The following CD74 variants were observed in gnomAD, a reference collection of about 807,000 sequenced individuals.
CD74 encodes CD74 molecule.
A neutral mutation model predicts 37.1 loss-of-function variants in CD74; 20 were observed. The ratio of observed to expected loss-of-function variants is 0.54; its 90% CI spans 0.38 to 0.78. The LOEUF is 0.78. Ranked by LOEUF, CD74 falls within the 30% of genes least tolerant of loss-of-function variation. The pLI is 0.00. For synonymous variants in CD74, 150 were observed against 152.0 expected, an observed-to-expected ratio of 0.99 and a Z score of 0.10; for missense variants, 338 against 389.5, an observed-to-expected ratio of 0.87 and a Z score of 1.11.
intron 1 of CD74, among the ~76,000 whole-genome samples, chr5:150,408,523 T>C (rs1385208452): frequency 6.6e-6 from 1 of 152,158 alleles, no homozygotes; most frequent in East Asian, 1.9e-4. Context: ...GTAATATCCA[T>C]CCTGCAGGGG....
chr5:150,408,338 A>T (rs1770117896), intron 1 of CD74, among the ~76,000 whole-genome samples: 1 of 151,856 alleles, frequency 6.6e-6, no homozygotes, highest in South Asian at 2.1e-4. Context: ...GGCACCACCC[A>T]CTCTGGGGCC....
rs1769783303 is a variant in CD74 at position 150,403,763 on chromosome 5, G to A, written c.626-451C>T. On this transcript the variant is annotated intron_variant, in intron 6 of 8. Coordinates refer to ENST00000009530, the MANE Select transcript of CD74 (RefSeq NM_001025159.3). The surrounding 1 kb of genome is among the most constrained non-coding windows in gnomAD (Gnocchi z 4.5). ...AATCCCAGCTACTCGGGAGGCCGAGGCAGGAGAATTGCTTGAACCCGGGAG... is the reference window on the plus strand; with the variant it reads ...AATCCCAGCTACTCGGGAGGCCGAGACAGGAGAATTGCTTGAACCCGGGAG... 6.6e-6 allele frequency among the ~76,000 whole-genome samples: 1 copy of A among 152,234 alleles called. No homozygotes were observed. The highest frequency in any genetic ancestry group is 1.5e-5 in the Non-Finnish European group (1 of 68,046).
chr5:150,404,639 G>T, intron 6 of CD74, 41 bp downstream of exon 6: 2 of 1,333,734 alleles, frequency 1.5e-6, no homozygotes, highest in African/African-American at 1.5e-5. Context: ...AGCCCCGAGG[G>T]TCCAGAAGCC....
chr5:150,401,968 G>T lies in CD74; in HGVS notation c.*272C>A. 3 of 1,251,158 alleles carry T rather than the reference G, an allele frequency of 2.4e-6. No homozygotes were observed. Among genetic ancestry groups the T allele is most frequent in the Non-Finnish European group, 3.4e-6 (3 of 886,774 alleles). The allele number at this position is 1,251,158 out of a possible 1,614,324, so 77.5% of individuals were successfully genotyped here. On this transcript the variant is annotated 3_prime_UTR_variant, in exon 9 of 9. Transcript: ENST00000009530. ...GCCTTGTGTTGGAGGCTGCTGTGAT[G>T]TCAGGAACGGGGATCTGTCTAGCTT...
rs1190104700 is a variant in CD74 at position 150,405,093 on chromosome 5, C to A, written c.529G>T (p.Asp177Tyr). 6.2e-7 allele frequency: 1 copy of A among 1,612,796 alleles called. No homozygotes were observed. Reference protein sequence around the residue: ...RHLKNTMETIDWKVFESWMHH... With the variant: ...RHLKNTMETIYWKVFESWMHH... ...CAGGGAAACCTGCTGACCTTCCAGT[C>A]TATGGTCTCCATGGTGTTCTTAAGG... Residue 177 changes from aspartate (D) to tyrosine (Y), a missense_variant, in exon 5 of 9, where the codon GAC becomes TAC. Coordinates refer to ENST00000009530, the MANE Select transcript of CD74 (RefSeq NM_001025159.3).
Position 150,412,741 on chromosome 5 carries a change from C to G in CD74, c.9G>C (p.Arg3Ser), listed in dbSNP as rs750068714. 6.2e-7 allele frequency: 1 copy of G among 1,614,068 alleles called. No homozygotes were observed. The highest frequency in any genetic ancestry group is 8.5e-7 in the Non-Finnish European group (1 of 1,179,954). ...CTTCCCGACAGCTCCTGCTTCTCCT[C>G]CTGTGCATCTGGGACCCTGACCCCC... MH[R>S]RRSRSCREDQ... Residue 3 changes from arginine (R) to serine (S), a missense_variant, in exon 1 of 9, where the codon AGG (arginine) becomes AGC (serine). Arg to Ser is a moderately radical substitution (Grantham distance 110). Coordinates refer to ENST00000009530, the MANE Select transcript of CD74 (RefSeq NM_001025159.3).
At chr5:150,411,202 A>G (rs1304658087) in intron 1 of CD74, among the ~76,000 whole-genome samples, 1 of 142,850 alleles carries the variant, frequency 7.0e-6, no homozygotes, top group Non-Finnish European at 1.6e-5. Context: ...CACAGTACTA[A>G]CTAACAGTGG....
At chr5:150,405,911 A>C (rs1213160037) in intron 4 of CD74, 4 of 224,400 alleles carry the variant, frequency 1.8e-5, no homozygotes, top group Non-Finnish European at 3.8e-5. Context: ...AGTAGCTGGG[A>C]TTACAGGTGA....
In CD74 at chr5:150,402,431, C is replaced by A. The variant is rs776153510; in HGVS notation, c.880+132G>T. The A allele has an allele frequency of 1.1e-6, 1 of 942,122 alleles. No homozygotes were observed. Among genetic ancestry groups the A allele is most frequent in the South Asian group, 1.3e-5 (1 of 74,226 alleles). 58.4% of individuals were successfully genotyped at this position (942,122 alleles called of 1,614,324 possible). A position where few individuals can be genotyped will look rare whatever the true frequency, so the allele number is the denominator to read the frequency against. On this transcript the variant is annotated intron_variant, in intron 8 of 8. Transcript: ENST00000009530. The surrounding 1 kb of genome is among the most constrained non-coding windows in gnomAD (Gnocchi z 4.2). Reference sequence around the variant, plus strand: ...CCACAGCCCCCCAACCCTGTTCCTTCGTCTGTGAAATGGACATCCCAGGAA... The same window carrying A: ...CCACAGCCCCCCAACCCTGTTCCTTAGTCTGTGAAATGGACATCCCAGGAA...
At chr5:150,412,357 A>C (rs1352198499) in intron 1 of CD74, among the ~76,000 whole-genome samples, 1 of 152,356 alleles carries the variant, frequency 6.6e-6, no homozygotes, top group East Asian at 1.9e-4. Context: ...GAGAGAACCC[A>C]TGCTCTCTTC....
Position 150,403,079 on chromosome 5 carries a change from T to C in CD74, c.817+42A>G, listed in dbSNP as rs1284781263. Reference sequence around the variant, plus strand: ...ACCTCTTGCCCCTCAACCTTCCTAGTCCTTCCTGGTCCTCTGACACTGGCA... The same window carrying C: ...ACCTCTTGCCCCTCAACCTTCCTAGCCCTTCCTGGTCCTCTGACACTGGCA... On this transcript the variant is annotated intron_variant, in intron 7 of 8. Transcript: ENST00000009530. This position sits in a 1 kb window ranked among gnomAD's most constrained non-coding sequence, Gnocchi z 4.5. 1 of 1,556,914 alleles carries C rather than the reference T, an allele frequency of 6.4e-7. No individual in the cohort carries two copies. The highest frequency in any genetic ancestry group is 8.8e-7 in the Non-Finnish European group (1 of 1,142,634).
rs1166808142 is a variant in CD74 at position 150,409,251 on chromosome 5, G to T, written c.126-1927C>A. Among the ~76,000 whole-genome samples the T allele has an allele frequency of 2.0e-5, 3 of 151,472 alleles. No individual in the cohort carries two copies. In the East Asian group the frequency reaches 5.8e-4, roughly 29 times the overall value. ...AAAAAAAGAAAGCAAGCTAGGCCGG[G>T]CGCGGTGGCTCACACCTGTAATCCC... On this transcript the variant is annotated intron_variant, in intron 1 of 8. Transcript: ENST00000009530.
intron 1 of CD74, among the ~76,000 whole-genome samples, chr5:150,410,301 A>G (rs1008711279): frequency 2.0e-5 from 3 of 152,106 alleles, no homozygotes; most frequent in Admixed American, 6.6e-5. Flanking sequence ...CAGGAGGCCT[A>G]AGAACCTAGA....
At chr5:150,409,765 GTTTT>G (rs1221702578) in intron 1 of CD74, among the ~76,000 whole-genome samples, 5 of 114,608 alleles carry the variant, frequency 4.4e-5, no homozygotes, top group Non-Finnish European at 9.2e-5. Context: ...ATTTCTGGGT[GTTTT>G]TTGTTTGTTT....
intron 1 of CD74, among the ~76,000 whole-genome samples, chr5:150,408,052 G>T (rs1770093453): frequency 1.4e-5 from 2 of 146,920 alleles, no homozygotes; most frequent in Non-Finnish European, 1.5e-5. Flanking sequence ...CTTTTGTTTT[G>T]TTTTTTTTTT....
chr5:150,408,657 G>A (rs776723145), intron 1 of CD74, among the ~76,000 whole-genome samples: 2 of 152,086 alleles, frequency 1.3e-5, no homozygotes, highest in Non-Finnish European at 2.9e-5. Flanking sequence ...GGATGCGACT[G>A]GGGGGTGCAT....
rs562103962 is a variant in CD74 at position 150,402,066 on chromosome 5, A to C, written c.*174T>G. ...GGCAGCAGGGCCTTGCTGCATTGTT[A>C]TCTGCTGTTCCGACTTGGTTTGTCT... On this transcript the variant is annotated 3_prime_UTR_variant, in exon 9 of 9. Coordinates refer to ENST00000009530, the MANE Select transcript of CD74 (RefSeq NM_001025159.3). This position sits in a 1 kb window ranked among gnomAD's most constrained non-coding sequence, Gnocchi z 4.2. 1.3e-6 allele frequency: 2 copies of C among 1,539,420 alleles called. No homozygotes were observed. The highest frequency in any genetic ancestry group is 1.7e-6 in the Non-Finnish European group (2 of 1,146,876).
In CD74 at chr5:150,401,922, T is replaced by A; in HGVS notation, c.*318A>T. ...CTTCTCCCTGTGCCTTCCCATCTCG[T>A]CCATGAGCCTAGGTCTTGGAGCCTT... On this transcript the variant is annotated 3_prime_UTR_variant, in exon 9 of 9. Coordinates refer to ENST00000009530, the MANE Select transcript of CD74 (RefSeq NM_001025159.3). The A allele has an allele frequency of 2.4e-6, 2 of 845,324 alleles. No individual in the cohort carries two copies. Among genetic ancestry groups the A allele is most frequent in the Non-Finnish European group, 3.9e-6 (2 of 515,600 alleles). 52.4% of individuals were successfully genotyped at this position (845,324 alleles called of 1,614,324 possible). A position where few individuals can be genotyped will look rare whatever the true frequency, so the allele number is the denominator to read the frequency against.
Position 150,403,341 on chromosome 5 carries a change from G to A in CD74, c.626-29C>T, listed in dbSNP as rs2151170501. The stretch of plus-strand genomic sequence containing the variant: ...AAGCGACAGGCATGATGAGGACACA[G>A]TGAGTGAGTGAGCTCTGAACCAGGG... On this transcript the variant is annotated intron_variant, in intron 6 of 8. Coordinates refer to ENST00000009530, the MANE Select transcript of CD74 (RefSeq NM_001025159.3). The surrounding 1 kb of genome is among the most constrained non-coding windows in gnomAD (Gnocchi z 4.5). 6.3e-7 allele frequency: 1 copy of A among 1,593,828 alleles called. No homozygotes were observed. The highest frequency in any genetic ancestry group is 8.6e-7 in the Non-Finnish European group (1 of 1,162,012).
Sources: allele counts gnomAD v4.1 joint callset (sites outside exome capture counted in the v4.1 genomes callset), GRCh38; gene constraint gnomAD v4.1.1; non-coding constraint Gnocchi (gnomAD v3.1); transcripts MANE v1.5; gene names NCBI Gene and HGNC (gene_info 2026-07-23, HGNC 2026-07-21).